Variants in SDK2 observed in about 807,000 individuals in gnomAD.
The protein encoded by SDK2 is protein sidekick-2.
In SDK2, 105 loss-of-function variants were observed where a neutral mutation model predicts 253.9. The observed-to-expected ratio is 0.41, with a 90% CI of 0.35 to 0.49. The LOEUF is 0.49. Among genes scored for constraint, SDK2 ranks in the 20% least tolerant of loss-of-function variants. The pLI is 0.06. For synonymous variants in SDK2, 1,249 were observed against 1,234.9 expected (o/e 1.01, Z -0.24); for missense variants, 2,608 against 3,003.0 (o/e 0.87, Z 3.07).
intron 36 of SDK2, among the ~76,000 whole-genome samples, chr17:73,371,866 A>G (rs1465177303): frequency 6.6e-6 from 1 of 152,036 alleles, no homozygotes; most frequent in Non-Finnish European, 1.5e-5. Context: ...AGGCTGAGGC[A>G]GGAGAATCAC....
intron 1 of SDK2, among the ~76,000 whole-genome samples, chr17:73,634,524 T>C (rs750649326): frequency 6.6e-6 from 1 of 152,224 alleles, no homozygotes; most frequent in Admixed American, 6.5e-5. Context: ...AATAAATACA[T>C]TCACCTTAAG....
chr17:73,446,051 C>T (rs936291904), intron 5 of SDK2, among the ~76,000 whole-genome samples: 17 of 152,058 alleles, frequency 1.1e-4, no homozygotes, highest in Admixed American at 2.6e-4. Context: ...AGCTGGATGC[C>T]GGAGAAGGGG....
chr17:73,470,379 A>G (rs1184085885), intron 3 of SDK2, among the ~76,000 whole-genome samples: 1 of 152,060 alleles, frequency 6.6e-6, no homozygotes, highest in Non-Finnish European at 1.5e-5. Context: ...AAAAAGGCCA[A>G]CCAACCTGGA....
intron 1 of SDK2, among the ~76,000 whole-genome samples, chr17:73,554,973 T>G (rs1599674635): frequency 2.0e-5 from 3 of 152,246 alleles, no homozygotes; most frequent in South Asian, 4.1e-4. Context: ...TGCTCTGAGC[T>G]CAGGCAGGGC....
chr17:73,506,952 C>G (rs1320176462), intron 2 of SDK2, among the ~76,000 whole-genome samples: 3 of 152,248 alleles, frequency 2.0e-5, no homozygotes, highest in African/African-American at 7.2e-5. Flanking sequence ...CTCAAGAGGC[C>G]CTGAGAGGGC....
chr17:73,623,921 G>A (rs2046166840), intron 1 of SDK2, among the ~76,000 whole-genome samples: 1 of 152,162 alleles, frequency 6.6e-6, no homozygotes, highest in African/African-American at 2.4e-5. Flanking sequence ...TCCTTTTCAT[G>A]TTCTCCTTCC....
chr17:73,348,525 T>A, intron 44 of SDK2, 74 bp downstream of exon 44: 1 of 1,539,420 alleles, frequency 6.5e-7, no homozygotes, highest in Admixed American at 1.9e-5. Context: ...AGAAAGCCCA[T>A]CTACGTTCAC....
chr17:73,354,344 A>C (rs1490084402), intron 40 of SDK2, among the ~76,000 whole-genome samples: 1 of 152,182 alleles, frequency 6.6e-6, no homozygotes, highest in Admixed American at 6.5e-5. Flanking sequence ...CTCGTGGGAC[A>C]TAATTCACCT....
intron 36 of SDK2, among the ~76,000 whole-genome samples, chr17:73,376,288 C>T (rs547122814): frequency 1.6e-3 from 218 of 135,356 alleles, no homozygotes; most frequent in African/African-American, 6.2e-3. Context: ...TATTTTGCCC[C>T]GTGTTGGCCT....
intron 1 of SDK2, among the ~76,000 whole-genome samples, chr17:73,636,680 CAAAAAA>C (rs561026344): frequency 0.012 from 592 of 50,926 alleles, 3 homozygotes; most frequent in African/African-American, 0.037. Context: ...GACTCTGTCT[CAAAAAA>C]AAAAAAAAAA....
chr17:73,376,320 C>A (rs1338838470), intron 36 of SDK2, among the ~76,000 whole-genome samples: 1 of 152,070 alleles, frequency 6.6e-6, no homozygotes, highest in South Asian at 2.1e-4. Flanking sequence ...CATCTAAGCT[C>A]ACAATGCTGG....
chr17:73,397,863 G>A (rs2062984396), intron 24 of SDK2, among the ~76,000 whole-genome samples, 172 bp downstream of exon 24: 2 of 152,214 alleles, frequency 1.3e-5, no homozygotes, highest in African/African-American at 2.4e-5. Flanking sequence ...TCCTCTCATC[G>A]GCGGGCGGGG....
chr17:73,586,094 A>C (rs2045599308), intron 1 of SDK2, among the ~76,000 whole-genome samples: 1 of 152,134 alleles, frequency 6.6e-6, no homozygotes, highest in Non-Finnish European at 1.5e-5. Context: ...TACCAGCCTC[A>C]TGGGCTATTG....
intron 2 of SDK2, among the ~76,000 whole-genome samples, chr17:73,495,107 A>T (rs1223719296): frequency 6.6e-6 from 1 of 152,154 alleles, no homozygotes. Context: ...TTGAATTGTT[A>T]TGAGAAAGGG....
Position 73,346,162 on chromosome 17 carries a change from C to T in SDK2, c.6165+2437G>A, listed in dbSNP as rs572915786. 4.6e-5 allele frequency among the ~76,000 whole-genome samples: 7 copies of T among 150,662 alleles called. No homozygotes were observed. In the South Asian group the frequency reaches 1.5e-3, roughly 32 times the overall value. ...TGGAGGTTGCAGTGAGCTGAGATCG[C>T]GCACCATCATACTCCAGCCTAGGCA... On this transcript the variant is annotated intron_variant, in intron 44 of 44. Coordinates refer to ENST00000392650, the MANE Select transcript of SDK2 (RefSeq NM_001144952.2).
In SDK2 at chr17:73,379,524, C is replaced by T. The variant is rs776562618; in HGVS notation, c.4788G>A (p.Glu1596=). Reference sequence around the variant, plus strand: ...CAGCGTTGTACACGCTCATCCGTATCTCGTACCGCCTGTGCTTGTTCAGGT... The same window carrying T: ...CAGCGTTGTACACGCTCATCCGTATTTCGTACCGCCTGTGCTTGTTCAGGT... ...LDNLNKHRRY[E]IRMSVYNAVG... is the part of the protein sequence containing the mutation. Residue 1596 remains glutamate (E), a synonymous_variant, in exon 35 of 45, where the codon GAG becomes GAA. Coordinates refer to ENST00000392650, the MANE Select transcript of SDK2 (RefSeq NM_001144952.2). The surrounding 1 kb of genome is among the most constrained non-coding windows in gnomAD (Gnocchi z 4.5). 8.7e-6 allele frequency: 14 copies of T among 1,612,400 alleles called. No individual in the cohort carries two copies. The highest frequency in any genetic ancestry group is 1.7e-4 in the Middle Eastern group (1 of 6,058).
At chr17:73,543,984 C>T (rs1308199933) in intron 1 of SDK2, among the ~76,000 whole-genome samples, 1 of 152,216 alleles carries the variant, frequency 6.6e-6, no homozygotes, top group Non-Finnish European at 1.5e-5. Flanking sequence ...GCTCCACAGA[C>T]AAAGTCACCC....
chr17:73,396,663 G>A (rs940860677), intron 24 of SDK2, among the ~76,000 whole-genome samples: 1 of 152,236 alleles, frequency 6.6e-6, no homozygotes, highest in Non-Finnish European at 1.5e-5. Context: ...TTAAGCGTGG[G>A]CCTGAGAAGT....
chr17:73,435,403 C>A lies in SDK2; in HGVS notation c.1195+47G>T. On this transcript the variant is annotated intron_variant, in intron 9 of 44. Transcript: ENST00000392650. The surrounding 1 kb of genome is among the most constrained non-coding windows in gnomAD (Gnocchi z 5.7). The stretch of plus-strand genomic sequence containing the variant: ...GGAAGACCTTGGAAGAAAGCTGCGT[C>A]CTGGGAAGAGGGGCTCACGGGCAGC... 1 of 1,517,330 alleles carries A rather than the reference C, an allele frequency of 6.6e-7. No homozygotes were observed. Among genetic ancestry groups the A allele is most frequent in the South Asian group, 1.3e-5 (1 of 78,742 alleles). 94.0% of individuals were successfully genotyped at this position (1,517,330 alleles called of 1,614,324 possible). A position where few individuals can be genotyped will look rare whatever the true frequency, so the allele number is the denominator to read the frequency against.
Sources: allele counts gnomAD v4.1 joint callset (sites outside exome capture counted in the v4.1 genomes callset), GRCh38; gene constraint gnomAD v4.1.1; non-coding constraint Gnocchi (gnomAD v3.1); transcripts MANE v1.5; gene names NCBI Gene and HGNC (gene_info 2026-07-23, HGNC 2026-07-21).